Variants in LRP1B observed in about 807,000 individuals in gnomAD.
LRP1B encodes low-density lipoprotein receptor-related protein 1B.
LRP1B carries 217 observed loss-of-function variants against 556.6 expected under a neutral mutation model. That is an observed-to-expected ratio of 0.39 (90% confidence interval 0.35 to 0.44). The LOEUF is 0.44. Ranked by LOEUF, LRP1B falls within the 20% of genes least tolerant of loss-of-function variation. The probability of loss-of-function intolerance (pLI) is 1.00; values close to 1 mark genes in which losing one functional copy is unlikely to be tolerated. For missense variants in LRP1B, 5,053 were observed against 5,620.8 expected (o/e 0.90, Z 3.23); for synonymous variants, 2,047 against 1,865.8 (o/e 1.10, Z -2.50).
intron 1 of LRP1B, among the ~76,000 whole-genome samples, chr2:141,837,426 G>T (rs1558908670): frequency 6.6e-6 from 1 of 151,960 alleles, no homozygotes; most frequent in East Asian, 1.9e-4. Flanking sequence ...TATAAATCCT[G>T]GGAAGCATGA....
chr2:141,262,361 C>T (rs868457646), intron 3 of LRP1B, among the ~76,000 whole-genome samples: 4 of 151,774 alleles, frequency 2.6e-5, no homozygotes, highest in South Asian at 2.1e-4. Context: ...ATTTGTATAT[C>T]GTTTCTCCTA....
intron 37 of LRP1B, among the ~76,000 whole-genome samples, chr2:140,712,807 TC>T (rs1267676037): frequency 6.6e-6 from 1 of 152,104 alleles, no homozygotes; most frequent in Non-Finnish European, 1.5e-5. Context: ...AGTTACATGT[TC>T]TGTTCTCTGC....
intron 41 of LRP1B, among the ~76,000 whole-genome samples, chr2:140,664,644 T>C (rs1685206584): frequency 6.6e-6 from 1 of 152,044 alleles, no homozygotes. Context: ...CATCATAATA[T>C]AAACAGGAAC....
intron 2 of LRP1B, among the ~76,000 whole-genome samples, chr2:141,743,851 C>T (rs1693811814): frequency 1.3e-5 from 2 of 151,912 alleles, no homozygotes; most frequent in South Asian, 2.1e-4. Context: ...GTTGTAATGC[C>T]TCTTTTTTCA....
chr2:140,478,525 A>G (rs1409992285), intron 59 of LRP1B, among the ~76,000 whole-genome samples: 2 of 152,144 alleles, frequency 1.3e-5, no homozygotes, highest in Non-Finnish European at 2.9e-5. Flanking sequence ...GATAACTGAG[A>G]ATATAAAAGG....
intron 66 of LRP1B, among the ~76,000 whole-genome samples, chr2:140,431,851 C>T (rs1685959084): frequency 6.6e-6 from 1 of 152,184 alleles, no homozygotes; most frequent in African/African-American, 2.4e-5. Flanking sequence ...TCTAGGTTCC[C>T]ACACCGCCCC....
At chr2:141,779,766 A>C (rs935599815) in intron 2 of LRP1B, among the ~76,000 whole-genome samples, 2 of 152,104 alleles carry the variant, frequency 1.3e-5, no homozygotes, top group Admixed American at 1.3e-4. Flanking sequence ...AGGGAGGTTA[A>C]AAAACTTGAT....
intron 7 of LRP1B, among the ~76,000 whole-genome samples, chr2:141,152,094 G>T (rs1275421903): frequency 3.3e-5 from 5 of 151,926 alleles, no homozygotes; most frequent in African/African-American, 1.2e-4. Flanking sequence ...GAAGCCGTTT[G>T]CTCACTTCTG....
chr2:140,523,558 AT>A (rs57178980), intron 49 of LRP1B, among the ~76,000 whole-genome samples: 146,281 of 151,734 alleles, frequency 0.96, 70,740 homozygotes, highest in East Asian at 1. Context: ...AGAGAAAGAA[AT>A]TTAAAGGCAT....
chr2:141,855,182 A>G (rs896986791), intron 1 of LRP1B, among the ~76,000 whole-genome samples: 18 of 152,096 alleles, frequency 1.2e-4, no homozygotes, highest in African/African-American at 4.3e-4. Context: ...TGAAGCTTCC[A>G]AAGACCACTC....
chr2:141,248,853 A>G (rs1684162027), intron 4 of LRP1B, among the ~76,000 whole-genome samples: 1 of 152,176 alleles, frequency 6.6e-6, no homozygotes, highest in Admixed American at 6.5e-5. Flanking sequence ...TATCCAAGAA[A>G]TTGTCTTTTG....
chr2:141,094,143 A>T (rs993555644), intron 7 of LRP1B, among the ~76,000 whole-genome samples: 2 of 152,204 alleles, frequency 1.3e-5, no homozygotes, highest in African/African-American at 4.8e-5. Context: ...AATAAGGTGC[A>T]TTATAAAGGT....
chr2:140,462,132 A>G (rs1484035450), intron 60 of LRP1B, among the ~76,000 whole-genome samples: 1 of 152,236 alleles, frequency 6.6e-6, no homozygotes, highest in African/African-American at 2.4e-5. Flanking sequence ...CAAATCAAAC[A>G]TTAAATCCTA....
At chr2:141,047,696 C>T (rs1193510427) in intron 11 of LRP1B, among the ~76,000 whole-genome samples, 1 of 152,094 alleles carries the variant, frequency 6.6e-6, no homozygotes, top group Non-Finnish European at 1.5e-5. Context: ...CATTTTAGTG[C>T]CTTTCACTTT....
chr2:141,335,137 T>C (rs1687801854), intron 3 of LRP1B, among the ~76,000 whole-genome samples: 1 of 152,116 alleles, frequency 6.6e-6, no homozygotes, highest in Non-Finnish European at 1.5e-5. Context: ...TACTACAACT[T>C]CAAAGACGAG....
intron 7 of LRP1B, among the ~76,000 whole-genome samples, chr2:141,090,515 T>A (rs984738763): frequency 6.6e-6 from 1 of 152,230 alleles, no homozygotes. Flanking sequence ...GAAAAATATC[T>A]TTAGCATAGA....
At chr2:141,641,393 A>G (rs1236557849) in intron 2 of LRP1B, among the ~76,000 whole-genome samples, 2 of 152,202 alleles carry the variant, frequency 1.3e-5, no homozygotes, top group Non-Finnish European at 2.9e-5. Context: ...GGGTGACTAT[A>G]CAATAATTAA....
At chr2:141,894,799 C>T (rs1189499040) in intron 1 of LRP1B, among the ~76,000 whole-genome samples, 1 of 151,940 alleles carries the variant, frequency 6.6e-6, no homozygotes, top group Non-Finnish European at 1.5e-5. Flanking sequence ...CCTGTAATCC[C>T]AGCACCTTGG....
intron 82 of LRP1B, among the ~76,000 whole-genome samples, chr2:140,318,647 T>A (rs1249660234): frequency 6.7e-6 from 1 of 150,208 alleles, no homozygotes; most frequent in Non-Finnish European, 1.5e-5. Context: ...GAAGCTAGAA[T>A]TTCCAATAAC....
Sources: allele counts gnomAD v4.1 joint callset (sites outside exome capture counted in the v4.1 genomes callset), GRCh38; gene constraint gnomAD v4.1.1; transcripts MANE v1.5; gene names NCBI Gene and HGNC (gene_info 2026-07-23, HGNC 2026-07-21).